The following BAZ2B variants were observed in gnomAD, a reference collection of about 807,000 sequenced individuals.
The protein encoded by BAZ2B is bromodomain adjacent to zinc finger domain protein 2B.
In BAZ2B, 91 loss-of-function variants were observed where a neutral mutation model predicts 246.0. The ratio of observed to expected loss-of-function variants is 0.37; its 90% CI spans 0.31 to 0.44. The LOEUF is 0.44. Ranked by LOEUF, BAZ2B falls within the 20% of genes least tolerant of loss-of-function variation. BAZ2B has a pLI of 1.00. For synonymous variants in BAZ2B, 855 were observed against 860.0 expected, an observed-to-expected ratio of 0.99 and a Z score of 0.10; for missense variants, 2,332 against 2,533.7, an observed-to-expected ratio of 0.92 and a Z score of 1.71.
chr2:159,432,619 A>G lies in BAZ2B; in HGVS notation c.1900+138T>C, dbSNP rs2071350216. The G allele has an allele frequency of 1.8e-5, 21 of 1,154,456 alleles. No homozygotes were observed. The South Asian group carries it at 3.5e-4, about 19-fold the overall frequency. 71.5% of individuals were successfully genotyped at this position (1,154,456 alleles called of 1,614,324 possible). ...GTATCAATTACTCCTGTATTTTATG[A>G]GCTCATTATAGAAATGCACAAAGTT... On this transcript the variant is annotated intron_variant, in intron 9 of 36. Coordinates refer to ENST00000392783, the MANE Select transcript of BAZ2B (RefSeq NM_013450.4).
chr2:159,518,930 G>C (rs1165320528), intron 2 of BAZ2B, among the ~76,000 whole-genome samples: 1 of 152,136 alleles, frequency 6.6e-6, no homozygotes, highest in East Asian at 1.9e-4. Context: ...TTAGAATTGA[G>C]AGAAGTTTTA....
the BAZ2B span, among the ~76,000 whole-genome samples, chr2:159,681,295 T>C: frequency 1.3e-5 from 2 of 152,026 alleles, no homozygotes; most frequent in African/African-American, 4.8e-5. Flanking sequence ...GTCTGACAGA[T>C]TTTAAAAGTC....
At position 159,465,627 on chromosome 2, in the gene BAZ2B, A is replaced by G. The variant is rs112786096; in HGVS notation, c.146-11826T>C. ...CTGCAAAAAAGGCTAGACAGTTGAA[A>G]ATTCAACAGCCTGAACAGGCGCGAT... On this transcript the variant is annotated intron_variant, in intron 3 of 36. Coordinates refer to ENST00000392783, the MANE Select transcript of BAZ2B (RefSeq NM_013450.4). Among the ~76,000 whole-genome samples the G allele has an allele frequency of 4.4e-3, 672 of 152,318 alleles. 1 individual carries two copies. The highest frequency in any genetic ancestry group is 0.016 in the African/African-American group (653 of 41,566).
intron 2 of BAZ2B, among the ~76,000 whole-genome samples, chr2:159,517,313 TC>T (rs967385428): frequency 2.6e-5 from 4 of 151,886 alleles, no homozygotes; most frequent in Admixed American, 2.0e-4. Context: ...GTTTTTTTTT[TC>T]CCCCCAAATT....
chr2:159,531,641 G>T (rs141592008), intron 2 of BAZ2B, among the ~76,000 whole-genome samples: 2 of 152,018 alleles, frequency 1.3e-5, no homozygotes, highest in African/African-American at 4.8e-5. Context: ...GTGCTCCAAA[G>T]CTGCCATTTT....
chr2:159,691,740 A>G, the BAZ2B span, among the ~76,000 whole-genome samples: 1 of 152,232 alleles, frequency 6.6e-6, no homozygotes, highest in Non-Finnish European at 1.5e-5. Context: ...TATTACACTA[A>G]ACAGGATAAA....
intron 1 of BAZ2B, among the ~76,000 whole-genome samples, chr2:159,567,675 T>C (rs1229221957): frequency 1.3e-5 from 2 of 152,094 alleles, no homozygotes; most frequent in African/African-American, 4.8e-5. Context: ...CCCTAAAATA[T>C]TACAATTTAA....
chr2:159,686,726 G>A, the BAZ2B span, among the ~76,000 whole-genome samples: 2 of 152,104 alleles, frequency 1.3e-5, no homozygotes, highest in Non-Finnish European at 2.9e-5. Context: ...ATGTGCTAAT[G>A]TTGGTTTCTT....
chr2:159,406,760 T>C (rs1326721347), intron 14 of BAZ2B, among the ~76,000 whole-genome samples: 6 of 152,060 alleles, frequency 3.9e-5, no homozygotes, highest in Non-Finnish European at 8.8e-5. Context: ...TTTTTCTTTC[T>C]TTTCTTTTTT....
chr2:159,690,160 T>G, the BAZ2B span: 1 of 472,546 alleles, frequency 2.1e-6, no homozygotes, highest in Non-Finnish European at 3.9e-6. Flanking sequence ...CAGTTTTGGT[T>G]CCTTGGATCC....
chr2:159,450,199 T>C (rs975184736), intron 4 of BAZ2B, among the ~76,000 whole-genome samples: 1 of 152,006 alleles, frequency 6.6e-6, no homozygotes, highest in Admixed American at 6.5e-5. Flanking sequence ...TTAAAAAGTA[T>C]TGGAGAATGT....
chr2:159,567,491 T>G (rs953615071), intron 1 of BAZ2B, among the ~76,000 whole-genome samples: 2 of 152,222 alleles, frequency 1.3e-5, no homozygotes, highest in African/African-American at 4.8e-5. Context: ...CAGCAATAAA[T>G]TCAATGTGTT....
At chr2:159,535,816 A>G (rs933547253) in intron 2 of BAZ2B, among the ~76,000 whole-genome samples, 1 of 152,190 alleles carries the variant, frequency 6.6e-6, no homozygotes, top group African/African-American at 2.4e-5. Context: ...AGCAAAATCC[A>G]TGTTAGAAAA....
intron 1 of BAZ2B, among the ~76,000 whole-genome samples, chr2:159,602,354 T>A (rs1015529288): frequency 1.3e-5 from 2 of 152,206 alleles, no homozygotes; most frequent in African/African-American, 4.8e-5. Flanking sequence ...TTGCTCATAG[T>A]GGCTCACAAG....
At chr2:159,384,431 A>C (rs2062382344) in intron 23 of BAZ2B, among the ~76,000 whole-genome samples, 1 of 152,080 alleles carries the variant, frequency 6.6e-6, no homozygotes. Context: ...CAGAAAACTT[A>C]AAATTTCCAC....
At chr2:159,566,580 A>G (rs1375176499) in intron 1 of BAZ2B, among the ~76,000 whole-genome samples, 1 of 152,198 alleles carries the variant, frequency 6.6e-6, no homozygotes, top group Non-Finnish European at 1.5e-5. Flanking sequence ...ACAGGAGGCC[A>G]TTCACATATC....
intron 3 of BAZ2B, among the ~76,000 whole-genome samples, chr2:159,472,452 T>G (rs1016180171): frequency 6.6e-6 from 1 of 152,240 alleles, no homozygotes; most frequent in Non-Finnish European, 1.5e-5. Context: ...CTATTCCTCT[T>G]TCCTCTATTG....
At chr2:159,604,029 AT>A (rs1458886298) in intron 1 of BAZ2B, among the ~76,000 whole-genome samples, 1 of 152,044 alleles carries the variant, frequency 6.6e-6, no homozygotes, top group Non-Finnish European at 1.5e-5. Flanking sequence ...GCTTTTCTGT[AT>A]TTTTAAAAAC....
At chr2:159,490,246 AC>A (rs1345073083) in intron 2 of BAZ2B, among the ~76,000 whole-genome samples, 2 of 152,226 alleles carry the variant, frequency 1.3e-5, no homozygotes, top group Non-Finnish European at 2.9e-5. Flanking sequence ...TATAGATGAA[AC>A]ATGTAAGATA....
Sources: gnomAD v4.1 joint callset for allele counts (sites outside exome capture counted in the v4.1 genomes callset) on GRCh38, gnomAD v4.1.1 for gene constraint, MANE v1.5 for transcripts, NCBI Gene and HGNC (gene_info 2026-07-23, HGNC 2026-07-21) for gene names.